Variants in CD200 observed in about 807,000 individuals in gnomAD.
CD200 encodes the protein CD200 molecule.
A neutral mutation model predicts 30.9 loss-of-function variants in CD200; 15 were observed. The observed-to-expected ratio is 0.49, with a 90% CI of 0.32 to 0.75. CD200 has a LOEUF of 0.75. Among genes scored for constraint, CD200 ranks in the 30% least tolerant of loss-of-function variants. CD200 has a pLI of 0.03. For synonymous variants in CD200, 134 were observed against 126.2 expected (o/e 1.06, Z -0.41); for missense variants, 262 against 324.2 (o/e 0.81, Z 1.47).
chr3:112,342,674 C>T (rs1233384897), intron 2 of CD200, among the ~76,000 whole-genome samples: 5 of 152,034 alleles, frequency 3.3e-5, no homozygotes, highest in Admixed American at 1.3e-4. Context: ...CCACTCGCCT[C>T]GGCCTCCCAA....
chr3:112,350,332 C>A (rs2081506528), intron 5 of CD200, among the ~76,000 whole-genome samples: 1 of 152,180 alleles, frequency 6.6e-6, no homozygotes, highest in Admixed American at 6.6e-5. Context: ...CTGTAAATTT[C>A]TCTTTATCTT....
chr3:112,348,527 G>A (rs1214464673), intron 4 of CD200, among the ~76,000 whole-genome samples: 1 of 152,208 alleles, frequency 6.6e-6, no homozygotes, highest in East Asian at 1.9e-4. Flanking sequence ...AAAGGGAGCA[G>A]AGATTATAAA....
Position 112,349,831 on chromosome 3 carries a change from C to T in CD200, c.802+12C>T, listed in dbSNP as rs781517120. ...GAATCAGGACCGAGGTGAGTTGTCA[C>T]AGGGAGTTCAAAAAATGACATAAAT... is the stretch of plus-strand genomic sequence containing the variant. On this transcript the variant is annotated intron_variant, in intron 5 of 5. Transcript: ENST00000315711. The T allele has an allele frequency of 5.0e-6, 8 of 1,588,258 alleles. No individual in the cohort carries two copies. The East Asian group carries it at 1.8e-4, about 36-fold the overall frequency.
At chr3:112,342,927 G>A (rs2081301281) in intron 2 of CD200, among the ~76,000 whole-genome samples, 1 of 152,106 alleles carries the variant, frequency 6.6e-6, no homozygotes, top group Admixed American at 6.6e-5. Flanking sequence ...GTTCAATTTG[G>A]AGGAAGGTTT....
rs757849072 is a variant in CD200 at position 112,344,975 on chromosome 3, C to G, written c.108C>G (p.Thr36=). 1.2e-6 allele frequency: 2 copies of G among 1,610,832 alleles called. No homozygotes were observed. The highest frequency in any genetic ancestry group is 1.7e-6 in the Non-Finnish European group (2 of 1,178,142). ...ATGATTCCATAGTGCAAGTGGTGAC[C>G]CAGGATGAAAGAGAGCAGCTGTACA... ...VLCTAQVQVV[T]QDEREQLYTP... is the part of the protein sequence containing the mutation. The change falls in exon 3 of 6, where the codon ACC becomes ACG. Residue 36 remains threonine, a synonymous_variant. Transcript: ENST00000315711.
Position 112,361,824 on chromosome 3 carries a change from TAGTATC to T in CD200, c.*277_*282del. 1.9e-6 allele frequency: 1 copy of T among 518,836 alleles called. No individual in the cohort carries two copies. Among genetic ancestry groups the T allele is most frequent in the Non-Finnish European group, 3.4e-6 (1 of 291,002 alleles). The allele number at this position is 518,836 out of a possible 1,614,324, so 32.1% of individuals were successfully genotyped here. On this transcript the variant is annotated 3_prime_UTR_variant, in exon 6 of 6. Coordinates refer to ENST00000315711, the MANE Select transcript of CD200 (RefSeq NM_005944.7). ...TGGTTGAAAGGGCACTGGACTTAGT[TAGTATC>T]AGGAGCACTGAGCTCACAGACTGAC...
chr3:112,352,004 C>G (rs1022080129), intron 5 of CD200, among the ~76,000 whole-genome samples: 11 of 152,144 alleles, frequency 7.2e-5, no homozygotes, highest in Admixed American at 2.6e-4. Flanking sequence ...GATCTTCCCC[C>G]CTTAAACACC....
At chr3:112,335,190 C>T (rs982886143) in intron 1 of CD200, among the ~76,000 whole-genome samples, 5 of 151,984 alleles carry the variant, frequency 3.3e-5, no homozygotes, top group Non-Finnish European at 2.9e-5. Flanking sequence ...AGAAAATTAT[C>T]GAGTTATATA....
chr3:112,333,053 T>G, upstream of CD200: 1 of 1,010,888 alleles, frequency 9.9e-7, no homozygotes, highest in South Asian at 1.4e-5. Flanking sequence ...CCTCCGCTCC[T>G]GTGAGGGCGT....
intron 3 of CD200, among the ~76,000 whole-genome samples, chr3:112,345,866 G>A (rs2081376368): frequency 6.6e-6 from 1 of 152,176 alleles, no homozygotes; most frequent in South Asian, 2.1e-4. Flanking sequence ...AACTGGGCAA[G>A]AGCATTCTTT....
intron 1 of CD200, chr3:112,333,939 T>A: frequency 3.0e-6 from 3 of 985,032 alleles, no homozygotes; most frequent in Non-Finnish European, 3.6e-6. Context: ...ATCCCATTGG[T>A]ATATGAAATC....
intron 1 of CD200, among the ~76,000 whole-genome samples, chr3:112,338,086 G>C (rs550899734): frequency 1.3e-5 from 2 of 152,208 alleles, no homozygotes; most frequent in East Asian, 3.9e-4. Context: ...AGATACGGTG[G>C]ACCAACTATA....
In CD200 at chr3:112,349,745, T is replaced by C. The variant is rs749138125; in HGVS notation, c.728T>C (p.Ile243Thr). 3.1e-6 allele frequency: 5 copies of C among 1,612,508 alleles called. No individual in the cohort carries two copies. The highest frequency in any genetic ancestry group is 4.2e-6 in the Non-Finnish European group (5 of 1,179,136). Reference sequence around the variant, plus strand: ...TTTTCAGTTCCGCTATTGCTAAGCATTGTTTCCCTGGTAATTCTTCTCGTC... The same window carrying C: ...TTTTCAGTTCCGCTATTGCTAAGCACTGTTTCCCTGGTAATTCTTCTCGTC... ...YWFSVPLLLS[I>T]VSLVILLVLI... The change falls in exon 5 of 6, where the codon ATT becomes ACT. Residue 243 changes from isoleucine to threonine, a missense_variant. Ile to Thr is a moderately conservative substitution (Grantham distance 89, BLOSUM62 -1). Coordinates refer to ENST00000315711, the MANE Select transcript of CD200 (RefSeq NM_005944.7).
intron 1 of CD200, among the ~76,000 whole-genome samples, chr3:112,335,414 C>G (rs1021505664): frequency 1.3e-5 from 2 of 152,038 alleles, no homozygotes; most frequent in African/African-American, 4.8e-5. Flanking sequence ...GCTTGGGTAT[C>G]GAATAATAAA....
chr3:112,352,223 T>C (rs949934892), intron 5 of CD200, among the ~76,000 whole-genome samples: 2 of 152,082 alleles, frequency 1.3e-5, no homozygotes, highest in Non-Finnish European at 2.9e-5. Flanking sequence ...AGACCAAACT[T>C]CAGGTTATAC....
chr3:112,332,947 G>T, upstream of CD200: 3 of 534,326 alleles, frequency 5.6e-6, no homozygotes, highest in Non-Finnish European at 6.6e-6. Flanking sequence ...CAAACACTTT[G>T]TCAGTTTCCC....
In CD200 at chr3:112,342,310, C is replaced by CTTCT. The variant is rs1199446750; in HGVS notation, c.94+1351_94+1354dup. On this transcript the variant is annotated intron_variant, in intron 2 of 5. Transcript: ENST00000315711. ...CCTTCCTTCCTTCCTTCCTTCCTTT[C>CTTCT]TTCTTTCTTTCTTTCTTTCTTTCTT... Among the ~76,000 whole-genome samples the CTTCT allele has an allele frequency of 2.3e-4, 7 of 29,940 alleles. 1 individual carries two copies. Among genetic ancestry groups the CTTCT allele is most frequent in the Non-Finnish European group, 3.8e-4 (5 of 13,058 alleles). The allele number at this position is 29,940 out of a possible 152,430, so 19.6% of individuals were successfully genotyped here. A position where few individuals can be genotyped will look rare whatever the true frequency, so the allele number is the denominator to read the frequency against.
At chr3:112,352,233 C>T (rs1288764062) in intron 5 of CD200, among the ~76,000 whole-genome samples, 2 of 152,074 alleles carry the variant, frequency 1.3e-5, no homozygotes, top group Non-Finnish European at 2.9e-5. Flanking sequence ...TCAGGTTATA[C>T]AAAAAGTTGG....
chr3:112,333,805 G>C, intron 1 of CD200: 1 of 985,414 alleles, frequency 1.0e-6, no homozygotes, highest in African/African-American at 1.7e-5. Context: ...AGCTACACTT[G>C]AGAGAGCTGA....
Sources: gnomAD v4.1 joint callset for allele counts (sites outside exome capture counted in the v4.1 genomes callset) on GRCh38, gnomAD v4.1.1 for gene constraint, MANE v1.5 for transcripts, NCBI Gene and HGNC (gene_info 2026-07-23, HGNC 2026-07-21) for gene names.